The following PRPF4 variants were observed in gnomAD, a reference collection of about 807,000 sequenced individuals.
The protein encoded by PRPF4 is U4/U6 small nuclear ribonucleoprotein Prp4.
Under a neutral mutation model 72.2 loss-of-function variants are expected in PRPF4, and 14 were observed. That is an observed-to-expected ratio of 0.19 (90% CI 0.13 to 0.30). The LOEUF is 0.30. Among genes scored for constraint, PRPF4 ranks in the 10% least tolerant of loss-of-function variants. The pLI is 1.00. For missense variants in PRPF4, 478 were observed against 653.9 expected (o/e 0.73, Z 2.93); for synonymous variants, 225 against 232.2 (o/e 0.97, Z 0.28).
intron 2 of PRPF4, among the ~76,000 whole-genome samples, chr9:113,277,286 A>G (rs1832138188): frequency 6.6e-6 from 1 of 152,106 alleles, no homozygotes; most frequent in Non-Finnish European, 1.5e-5. Context: ...TGTCTTCTGG[A>G]GATCTAACAT....
At chr9:113,281,250 G>A (rs185641964) in intron 3 of PRPF4, among the ~76,000 whole-genome samples, 5 of 152,066 alleles carry the variant, frequency 3.3e-5, no homozygotes, top group African/African-American at 9.7e-5. Context: ...GAAGCCTTTC[G>A]TCACACCTAA....
intron 2 of PRPF4, 70 bp downstream of exon 2, chr9:113,276,795 C>T: frequency 6.8e-7 from 1 of 1,466,238 alleles, no homozygotes; most frequent in Non-Finnish European, 9.2e-7. Context: ...TTAAATACCA[C>T]AGTTTTATAA....
chr9:113,290,692 T>C lies in PRPF4; in HGVS notation c.1146-8T>C, dbSNP rs1313029654. The C allele has an allele frequency of 1.4e-5, 22 of 1,614,148 alleles. No individual in the cohort carries two copies. The highest frequency in any genetic ancestry group is 1.9e-5 in the Non-Finnish European group (22 of 1,180,018). ...TTCAAAGTGTTCATTTCTAAATTAT[T>C]TTCTCAGGGGACTGGATGCATTTGG... is the stretch of plus-strand genomic sequence containing the variant. On this transcript the variant is annotated splice_polypyrimidine_tract_variant and splice_region_variant and intron_variant, in intron 11 of 13. Coordinates refer to ENST00000374198, the MANE Select transcript of PRPF4 (RefSeq NM_001244926.2).
chr9:113,279,804 A>G (rs1282287691), intron 3 of PRPF4, among the ~76,000 whole-genome samples: 1 of 152,226 alleles, frequency 6.6e-6, no homozygotes, highest in Non-Finnish European at 1.5e-5. Context: ...TTGAGACATC[A>G]AATGCATTCC....
intron 3 of PRPF4, among the ~76,000 whole-genome samples, chr9:113,279,343 T>TTGTTG: frequency 1.5e-5 from 1 of 66,816 alleles, no homozygotes; most frequent in Admixed American, 1.2e-4. Flanking sequence ...CGTTTTTGTT[T>TTGTTG]TGTTTTGTTT....
At chr9:113,279,603 G>A (rs905626286) in intron 3 of PRPF4, among the ~76,000 whole-genome samples, 2 of 152,084 alleles carry the variant, frequency 1.3e-5, no homozygotes, top group East Asian at 1.9e-4. Context: ...TGGCCAGGCT[G>A]GTCTTGAACT....
Position 113,292,775 on chromosome 9 carries a change from A to T in PRPF4, c.*1115A>T, listed in dbSNP as rs1000033229. On this transcript the variant is annotated 3_prime_UTR_variant, in exon 14 of 14. Transcript: ENST00000374198. Reference sequence around the variant, plus strand: ...ATTAAAGGGTACTTTATGTTGAAGTAACGAAAAAACCCTAATGGGTGTTCC... The same window carrying T: ...ATTAAAGGGTACTTTATGTTGAAGTTACGAAAAAACCCTAATGGGTGTTCC... 1 of 152,236 alleles carries T rather than the reference A, an allele frequency of 6.6e-6. No homozygotes were observed. The highest frequency in any genetic ancestry group is 1.5e-5 in the Non-Finnish European group (1 of 68,046). The allele number at this position is 152,236 out of a possible 1,614,324, so 9.4% of individuals were successfully genotyped here. A position where few individuals can be genotyped will look rare whatever the true frequency, so the allele number is the denominator to read the frequency against.
chr9:113,291,771 C>A lies in PRPF4; in HGVS notation c.*111C>A. ...ATCATGTTTTCTGCCAATTACCATG[C>A]ATAGACCCTCAGTAGAATTGGATTT... On this transcript the variant is annotated 3_prime_UTR_variant, in exon 14 of 14. Transcript: ENST00000374198. 2 of 1,057,356 alleles carry A rather than the reference C, an allele frequency of 1.9e-6. No individual in the cohort carries two copies. The highest frequency in any genetic ancestry group is 1.3e-6 in the Non-Finnish European group (1 of 745,428). 65.5% of individuals were successfully genotyped at this position (1,057,356 alleles called of 1,614,324 possible).
chr9:113,280,006 G>C (rs963947551), intron 3 of PRPF4, among the ~76,000 whole-genome samples: 1 of 152,076 alleles, frequency 6.6e-6, no homozygotes, highest in African/African-American at 2.4e-5. Context: ...CAGCTTGTTG[G>C]AAGGGTTTTT....
At chr9:113,277,500 C>G (rs1475617405) in intron 2 of PRPF4, among the ~76,000 whole-genome samples, 1 of 151,966 alleles carries the variant, frequency 6.6e-6, no homozygotes, top group Admixed American at 6.6e-5. Context: ...ATTCTCCTGC[C>G]TCAGCCTCCC....
chr9:113,291,409 T>C (rs1832604941), intron 13 of PRPF4, 58 bp from the exon 14 acceptor site: 1 of 1,501,154 alleles, frequency 6.7e-7, no homozygotes, highest in African/African-American at 1.4e-5. Flanking sequence ...TTTGTGCTTT[T>C]GTCTTCTCTT....
intron 13 of PRPF4, 30 bp downstream of exon 13, chr9:113,291,046 TGACACA>T: frequency 1.3e-6 from 2 of 1,576,620 alleles, no homozygotes; most frequent in Non-Finnish European, 1.7e-6. Context: ...TACGTCTAAA[TGACACA>T]GACAAACAGT....
chr9:113,286,146 A>C, intron 7 of PRPF4, 86 bp from the exon 8 acceptor site: 10 of 1,412,552 alleles, frequency 7.1e-6, no homozygotes, highest in Non-Finnish European at 9.0e-6. Flanking sequence ...GGGGGTGAGA[A>C]GAGATTGTCC....
chr9:113,284,351 C>T lies in PRPF4; in HGVS notation c.711C>T (p.His237=). The T allele has an allele frequency of 6.2e-7, 1 of 1,613,482 alleles. No individual in the cohort carries two copies. The highest frequency in any genetic ancestry group is 8.5e-7 in the Non-Finnish European group (1 of 1,179,484). The change falls in exon 7 of 14, where the codon CAC becomes CAT. Residue 237 remains histidine, a synonymous_variant. Transcript: ENST00000374198. ...ATGATCGGCCTATCTCCTACTGTCA[C>T]TTTAGTCCCAATTCCAAGATGCTGG... ...IGDDRPISYC[H]FSPNSKMLAT...
intron 12 of PRPF4, 31 bp downstream of exon 12, chr9:113,290,838 A>G: frequency 6.2e-7 from 1 of 1,613,244 alleles, no homozygotes; most frequent in Non-Finnish European, 8.5e-7. Context: ...GAGGGGCGAA[A>G]AAGGGTTCTG....
chr9:113,281,613 G>C (rs1408919458), intron 3 of PRPF4, among the ~76,000 whole-genome samples: 3 of 152,104 alleles, frequency 2.0e-5, no homozygotes, highest in Admixed American at 2.0e-4. Flanking sequence ...TTCTTCACCA[G>C]TCCTCTTCTA....
rs1334159129 is a variant in PRPF4 at position 113,290,329 on chromosome 9, G to C, written c.1023-137G>C. On this transcript the variant is annotated intron_variant, in intron 10 of 13. Coordinates refer to ENST00000374198, the MANE Select transcript of PRPF4 (RefSeq NM_001244926.2). ...TTGAGTCATTGTTTATGTCAGAAAG[G>C]AGCTTCCTGTTAATATGGTTATATG... The C allele has an allele frequency of 2.0e-5, 25 of 1,232,594 alleles. No homozygotes were observed. In the East Asian group the frequency reaches 6.0e-4, roughly 30 times the overall value. 76.4% of individuals were successfully genotyped at this position (1,232,594 alleles called of 1,614,324 possible). A position where few individuals can be genotyped will look rare whatever the true frequency, so the allele number is the denominator to read the frequency against.
chr9:113,279,335 T>TTTTTGTTTTG (rs148026338), intron 3 of PRPF4, among the ~76,000 whole-genome samples: 141 of 150,330 alleles, frequency 9.4e-4, no homozygotes, highest in African/African-American at 2.9e-3. Context: ...TGTTTGTTCG[T>TTTTTGTTTTG]TTTTGTTTTG....
Position 113,290,459 on chromosome 9 carries a change from G to A in PRPF4, c.1023-7G>A. 1.2e-6 allele frequency: 2 copies of A among 1,614,096 alleles called. No individual in the cohort carries two copies. The highest frequency in any genetic ancestry group is 8.5e-7 in the Non-Finnish European group (1 of 1,180,030). The stretch of plus-strand genomic sequence containing the variant: ...GCTGGTTGATTGTTAGTGTGATTTG[G>A]TTTTAGCTATGACCGTTCATGGCGC... On this transcript the variant is annotated splice_region_variant and splice_polypyrimidine_tract_variant and intron_variant, in intron 10 of 13. Transcript: ENST00000374198.
Sources: gnomAD v4.1 joint callset for allele counts (sites outside exome capture counted in the v4.1 genomes callset) on GRCh38, gnomAD v4.1.1 for gene constraint, MANE v1.5 for transcripts, NCBI Gene and HGNC (gene_info 2026-07-23, HGNC 2026-07-21) for gene names.